TBPL1: variants seen among roughly 807,000 people sequenced by gnomAD.
TBPL1 encodes the protein TATA-box binding protein like 1.
TBPL1 carries 4 observed loss-of-function variants against 22.1 expected under a neutral mutation model. That is an observed-to-expected ratio of 0.18 (90% CI 0.09 to 0.41). TBPL1 has a LOEUF of 0.41. Ranked by LOEUF, TBPL1 falls within the 10% of genes least tolerant of loss-of-function variation. The probability of loss-of-function intolerance (pLI) is 1.00; values close to 1 mark genes in which losing one functional copy is unlikely to be tolerated. For synonymous variants in TBPL1, 64 were observed against 71.0 expected, an observed-to-expected ratio of 0.90 and a Z score of 0.50; for missense variants, 115 against 222.3, an observed-to-expected ratio of 0.52 and a Z score of 3.07.
chr6:133,982,753 G>GT, intron 3 of TBPL1, 64 bp from the exon 4 acceptor site: 1 of 1,585,808 alleles, frequency 6.3e-7, no homozygotes, highest in Non-Finnish European at 8.6e-7. Flanking sequence ...AGTTTGTTAT[G>GT]TTCCTCAGTA....
intron 1 of TBPL1, among the ~76,000 whole-genome samples, chr6:133,976,739 C>G (rs375081635): frequency 8.6e-5 from 13 of 152,010 alleles, no homozygotes; most frequent in African/African-American, 2.4e-4. Flanking sequence ...CCTGTAATCC[C>G]AGCACTTTGG....
intron 1 of TBPL1, among the ~76,000 whole-genome samples, chr6:133,963,660 A>G (rs921001405): frequency 2.0e-5 from 3 of 151,864 alleles, no homozygotes; most frequent in South Asian, 2.1e-4. Flanking sequence ...GGCTCAAGCA[A>G]CCTGCCCACC....
chr6:133,972,718 A>T (rs1168108869), intron 1 of TBPL1, among the ~76,000 whole-genome samples: 1 of 151,904 alleles, frequency 6.6e-6, no homozygotes, highest in Non-Finnish European at 1.5e-5. Flanking sequence ...TTTTCCCCTC[A>T]TCTGTAACTG....
intron 1 of TBPL1, among the ~76,000 whole-genome samples, chr6:133,959,357 A>C (rs1461852595): frequency 1.3e-5 from 2 of 151,798 alleles, no homozygotes; most frequent in African/African-American, 4.8e-5. Flanking sequence ...TGTGTTAGGA[A>C]ATTTTTAGGA....
rs35068923 is a variant in TBPL1, at chr6:133,987,624, TTGTGTGTGTGTGTG to T, written c.*596_*609del. 2 of 139,752 alleles carry T rather than the reference TTGTGTGTGTGTGTG, an allele frequency of 1.4e-5. No individual in the cohort carries two copies. The highest frequency in any genetic ancestry group is 1.5e-4 in the Admixed American group (2 of 13,614). The allele number at this position is 139,752 out of a possible 1,614,324, so 8.7% of individuals were successfully genotyped here. A position where few individuals can be genotyped will look rare whatever the true frequency, so the allele number is the denominator to read the frequency against. ...TGTTGGCTTCTTTTTGAAGTGTATT[TTGTGTGTGTGTGTG>T]TGTGTGTGTGTATATATATATATAT... On this transcript the variant is annotated 3_prime_UTR_variant, in exon 7 of 7. Transcript: ENST00000237264.
In TBPL1 at chr6:133,982,813, G is replaced by A. The variant is rs770855306; in HGVS notation, c.219-4G>A. On this transcript the variant is annotated splice_polypyrimidine_tract_variant and splice_region_variant and intron_variant, in intron 3 of 6. Coordinates refer to ENST00000237264, the MANE Select transcript of TBPL1 (RefSeq NM_004865.4). ...ATAATCTTTTTCTTTCCTTAAAACC[G>A]TAGTGAAGAAGAAGCTAAATTTGGT... The A allele has an allele frequency of 2.1e-5, 34 of 1,609,948 alleles. No individual in the cohort carries two copies. Among genetic ancestry groups the A allele is most frequent in the South Asian group, 3.3e-5 (3 of 89,824 alleles).
At chr6:133,984,288 C>T in intron 4 of TBPL1, 88 bp from the exon 5 acceptor site, 1 of 933,584 alleles carries the variant, frequency 1.1e-6, no homozygotes, top group East Asian at 2.6e-5. Flanking sequence ...ATCTTGTTTG[C>T]TCTTGTTTTT....
intron 6 of TBPL1, among the ~76,000 whole-genome samples, chr6:133,985,050 C>T (rs933339928): frequency 4.0e-5 from 6 of 151,440 alleles, no homozygotes; most frequent in Non-Finnish European, 5.9e-5. Context: ...AAGGCTGAGG[C>T]GGGCTTATCA....
intron 1 of TBPL1, among the ~76,000 whole-genome samples, chr6:133,956,794 T>A (rs1219144486): frequency 6.6e-6 from 1 of 152,198 alleles, no homozygotes; most frequent in Non-Finnish European, 1.5e-5. Flanking sequence ...TCTAACCAAT[T>A]CAAACAATAA....
chr6:133,978,093 C>T (rs1445642645), intron 1 of TBPL1, among the ~76,000 whole-genome samples: 1 of 152,180 alleles, frequency 6.6e-6, no homozygotes, highest in Non-Finnish European at 1.5e-5. Context: ...AGCTAAACAT[C>T]TGAGCTCTGA....
intron 1 of TBPL1, among the ~76,000 whole-genome samples, chr6:133,953,944 A>T (rs1007298349): frequency 1.3e-5 from 2 of 152,076 alleles, no homozygotes; most frequent in Non-Finnish European, 2.9e-5. Context: ...GCTTTATTTT[A>T]TTATTATTTT....
chr6:133,986,476 C>T (rs959403083), intron 6 of TBPL1, among the ~76,000 whole-genome samples: 1 of 152,090 alleles, frequency 6.6e-6, no homozygotes, highest in Non-Finnish European at 1.5e-5. Flanking sequence ...TATGTGGATA[C>T]CCAGTGGTGG....
intron 1 of TBPL1, among the ~76,000 whole-genome samples, chr6:133,976,770 C>T (rs894964784): frequency 2.2e-4 from 33 of 151,958 alleles, no homozygotes; most frequent in Admixed American, 1.4e-3. Flanking sequence ...CAGTGGCTCA[C>T]GAAGTCAAGA....
At chr6:133,978,209 A>G (rs1185972904) in intron 1 of TBPL1, among the ~76,000 whole-genome samples, 1 of 152,196 alleles carries the variant, frequency 6.6e-6, no homozygotes, top group African/African-American at 2.4e-5. Context: ...TAATGTAATC[A>G]TGGGAAGTAG....
chr6:133,971,140 A>G (rs1050275456), intron 1 of TBPL1, among the ~76,000 whole-genome samples: 1 of 151,648 alleles, frequency 6.6e-6, no homozygotes, highest in Non-Finnish European at 1.5e-5. Context: ...TGCTTCGATG[A>G]TAACACTTTT....
chr6:133,982,687 C>G (rs1436963295), intron 3 of TBPL1, 37 bp downstream of exon 3: 2 of 1,598,456 alleles, frequency 1.3e-6, no homozygotes, highest in Non-Finnish European at 1.7e-6. Flanking sequence ...TTATTTTTTA[C>G]TTTTTCCCTC....
chr6:133,982,091 G>T lies in TBPL1; in HGVS notation c.136-477G>T, dbSNP rs566621657. ...GAATTAGAAAGCAATGAAGGGATGG[G>T]TGTTTCAGGGAAATGATTAGGGAGG... On this transcript the variant is annotated intron_variant, in intron 2 of 6. Transcript: ENST00000237264. Among the ~76,000 whole-genome samples, 4 of 152,328 alleles carry T rather than the reference G, an allele frequency of 2.6e-5. No homozygotes were observed. The South Asian group carries it at 8.3e-4, about 32-fold the overall frequency.
At chr6:133,973,686 T>C (rs1328289496) in intron 1 of TBPL1, among the ~76,000 whole-genome samples, 1 of 152,206 alleles carries the variant, frequency 6.6e-6, no homozygotes, top group Non-Finnish European at 1.5e-5. Flanking sequence ...GTACACAAAA[T>C]CTTTGAGTGA....
chr6:133,971,280 A>G (rs1776216824), intron 1 of TBPL1, among the ~76,000 whole-genome samples: 1 of 152,152 alleles, frequency 6.6e-6, no homozygotes, highest in South Asian at 2.1e-4. Context: ...CTTACAGCTG[A>G]ATAATATTCA....
Sources: gnomAD v4.1 joint callset for allele counts (sites outside exome capture counted in the v4.1 genomes callset) on GRCh38, gnomAD v4.1.1 for gene constraint, MANE v1.5 for transcripts, NCBI Gene and HGNC (gene_info 2026-07-23, HGNC 2026-07-21) for gene names.